Variants in AHI1 observed in about 807,000 individuals in gnomAD.
AHI1 encodes Abelson helper integration site 1, also known as jouberin.
In AHI1, 123 loss-of-function variants were observed where a neutral mutation model predicts 149.3. The ratio of observed to expected loss-of-function variants is 0.82; its 90% CI spans 0.71 to 0.96. The LOEUF is 0.96. AHI1 is among the 40% of genes least tolerant of loss of function. The probability of loss-of-function intolerance (pLI) is 0.00; values close to 1 mark genes in which losing one functional copy is unlikely to be tolerated. For missense variants in AHI1, 1,439 were observed against 1,422.7 expected, an observed-to-expected ratio of 1.01 and a Z score of -0.18; for synonymous variants, 475 against 459.8, an observed-to-expected ratio of 1.03 and a Z score of -0.42.
chr6:135,339,826 G>C (rs550267214), intron 24 of AHI1, among the ~76,000 whole-genome samples: 1 of 152,256 alleles, frequency 6.6e-6, no homozygotes, highest in East Asian at 1.9e-4. Flanking sequence ...TCAACTCCAA[G>C]TAGAATAGAT....
intron 24 of AHI1, among the ~76,000 whole-genome samples, chr6:135,356,712 C>A (rs991356050): frequency 7.9e-5 from 12 of 152,214 alleles, no homozygotes; most frequent in Non-Finnish European, 1.3e-4. Flanking sequence ...GTTATGGCTA[C>A]TCTTTTAGCA....
At position 135,290,529 on chromosome 6, in the gene AHI1, T is replaced by C. The variant is rs534053819; in HGVS notation, c.3486-4A>G. Reference sequence around the variant, plus strand: ...CTGTTCTTTTCTCATTTCAGAACTATAGGAGGGAAAGATCAGAAACAAGGA... The same window carrying C: ...CTGTTCTTTTCTCATTTCAGAACTACAGGAGGGAAAGATCAGAAACAAGGA... On this transcript the variant is annotated splice_polypyrimidine_tract_variant and splice_region_variant and intron_variant, in intron 27 of 28. Coordinates refer to ENST00000265602, the MANE Select transcript of AHI1 (RefSeq NM_001134831.2). 15 of 1,613,698 alleles carry C rather than the reference T, an allele frequency of 9.3e-6. No homozygotes were observed. The South Asian group carries it at 9.9e-5, about 11-fold the overall frequency.
chr6:135,395,554 C>T (rs2128485858), intron 22 of AHI1, among the ~76,000 whole-genome samples: 1 of 151,950 alleles, frequency 6.6e-6, no homozygotes, highest in East Asian at 1.9e-4. Context: ...GCATAATAAA[C>T]ACAACATTTT....
intron 27 of AHI1, chr6:135,297,318 A>G (rs900829537): frequency 5.1e-6 from 2 of 391,016 alleles, no homozygotes; most frequent in African/African-American, 4.2e-5. Context: ...CTAATCAGTC[A>G]GTCTCCTCCC....
At chr6:135,452,520 G>A (rs537426057) in intron 11 of AHI1, among the ~76,000 whole-genome samples, 12 of 152,196 alleles carry the variant, frequency 7.9e-5, no homozygotes, top group Non-Finnish European at 1.3e-4. Context: ...GCTCCCTCTA[G>A]AATCTGTTCT....
chr6:135,309,935 A>G (rs111938100), intron 26 of AHI1, among the ~76,000 whole-genome samples: 3 of 152,314 alleles, frequency 2.0e-5, no homozygotes, highest in Admixed American at 6.5e-5. Context: ...CCAAGCATAA[A>G]TTAATTTTAT....
intron 23 of AHI1, among the ~76,000 whole-genome samples, chr6:135,377,838 C>A (rs576361507): frequency 6.6e-6 from 1 of 151,892 alleles, no homozygotes; most frequent in Non-Finnish European, 1.5e-5. Context: ...ATAGAGCACT[C>A]CTTCTCAACT....
intron 24 of AHI1, among the ~76,000 whole-genome samples, chr6:135,331,605 A>G (rs1354888616): frequency 6.6e-6 from 1 of 152,204 alleles, no homozygotes; most frequent in Non-Finnish European, 1.5e-5. Context: ...CTGAGGGAAC[A>G]CCAACCAGTA....
At chr6:135,461,611 T>C (rs938227516) in intron 8 of AHI1, among the ~76,000 whole-genome samples, 10 of 152,050 alleles carry the variant, frequency 6.6e-5, no homozygotes, top group African/African-American at 2.4e-4. Flanking sequence ...GCTTACCAAA[T>C]ACGTGACTGC....
chr6:135,412,685 T>A (rs2614293), intron 20 of AHI1, among the ~76,000 whole-genome samples: 126,288 of 152,154 alleles, frequency 0.83, 54,779 homozygotes, highest in East Asian at 0.97. Flanking sequence ...TGTCTGTCTA[T>A]ATATACAAAG....
chr6:135,351,411 A>G (rs1191968557), intron 24 of AHI1, among the ~76,000 whole-genome samples: 1 of 152,206 alleles, frequency 6.6e-6, no homozygotes, highest in African/African-American at 2.4e-5. Flanking sequence ...CTCATTCCTC[A>G]TAACATTCCA....
At chr6:135,325,113 G>T (rs939826951) in intron 24 of AHI1, among the ~76,000 whole-genome samples, 1 of 150,426 alleles carries the variant, frequency 6.6e-6, no homozygotes, top group Non-Finnish European at 1.5e-5. Context: ...TGCAACCTCC[G>T]CCACCCGGGT....
At chr6:135,492,507 T>C in intron 3 of AHI1, 4 of 1,157,766 alleles carry the variant, frequency 3.5e-6, no homozygotes, top group Non-Finnish European at 4.3e-6. Flanking sequence ...AGATCATATC[T>C]GAATAAAGTA....
intron 26 of AHI1, chr6:135,302,789 T>C (rs1312773373): frequency 2.2e-5 from 29 of 1,289,040 alleles, no homozygotes; most frequent in Non-Finnish European, 2.9e-5. Flanking sequence ...GAAGGAGGTG[T>C]CTCTGTGAGC....
chr6:135,371,119 T>A (rs753712520), intron 23 of AHI1, among the ~76,000 whole-genome samples: 30 of 152,244 alleles, frequency 2.0e-4, no homozygotes, highest in Non-Finnish European at 1.0e-4. Flanking sequence ...GTAGAAGTGC[T>A]AAGTGTGAAT....
chr6:135,362,751 A>G (rs916633017), intron 23 of AHI1, among the ~76,000 whole-genome samples: 2 of 151,946 alleles, frequency 1.3e-5, no homozygotes, highest in African/African-American at 2.4e-5. Flanking sequence ...AGTTCCTTGT[A>G]GATTCTGTAT....
intron 27 of AHI1, among the ~76,000 whole-genome samples, chr6:135,296,503 A>C (rs76634007): frequency 1.3e-5 from 2 of 152,030 alleles, no homozygotes; most frequent in African/African-American, 2.4e-5. Flanking sequence ...CCAGTTTCTT[A>C]CTCTACTCTA....
intron 23 of AHI1, among the ~76,000 whole-genome samples, chr6:135,362,646 C>A (rs1320613146): frequency 6.6e-6 from 1 of 152,088 alleles, no homozygotes; most frequent in African/African-American, 2.4e-5. Context: ...TGCTTGTTGG[C>A]CATTTGTATA....
At chr6:135,300,331 A>T (rs1783700848) in intron 27 of AHI1, among the ~76,000 whole-genome samples, 169 bp downstream of exon 27, 1 of 151,116 alleles carries the variant, frequency 6.6e-6, no homozygotes. Context: ...TCTCCAAAAA[A>T]AAAAAAAAAG....
Sources: gnomAD v4.1 joint callset for allele counts (sites outside exome capture counted in the v4.1 genomes callset) on GRCh38, gnomAD v4.1.1 for gene constraint, MANE v1.5 for transcripts, NCBI Gene and HGNC (gene_info 2026-07-23, HGNC 2026-07-21) for gene names.